Variants in NFASC observed in about 807,000 individuals in gnomAD.
NFASC encodes neurofascin homolog.
NFASC carries 43 observed loss-of-function variants against 147.5 expected under a neutral mutation model. That is an observed-to-expected ratio of 0.29 (90% confidence interval 0.23 to 0.38). The LOEUF is 0.38. Among genes scored for constraint, NFASC ranks in the 10% least tolerant of loss-of-function variants. The pLI is 1.00. For synonymous variants in NFASC, 622 were observed against 665.5 expected, an observed-to-expected ratio of 0.93 and a Z score of 1.01; for missense variants, 1,320 against 1,689.0, an observed-to-expected ratio of 0.78 and a Z score of 3.83.
rs1297857341 is a variant in NFASC, at chr1:204,842,403, TCTG to T, written c.-200+13624_-200+13626del. 3.9e-5 allele frequency among the ~76,000 whole-genome samples: 6 copies of T among 152,374 alleles called. No homozygotes were observed. In the East Asian group the frequency reaches 1.2e-3, roughly 29 times the overall value. ...AGCACTGTATTGCTTCAATTTGTTC[TCTG>T]CTAAGTCCCCGCTTTTACATTGTTG... On this transcript the variant is annotated intron_variant, in intron 1 of 29. Coordinates refer to ENST00000339876, the MANE Select transcript of NFASC (RefSeq NM_001005388.3).
intron 4 of NFASC, among the ~76,000 whole-genome samples, chr1:204,951,137 G>A (rs1033497720): frequency 1.3e-5 from 2 of 149,910 alleles, no homozygotes; most frequent in East Asian, 1.9e-4. Context: ...GTTTCTCCTC[G>A]GGATGCTATG....
rs765172889 is a variant in NFASC at position 204,950,508 on chromosome 1, G to C, written c.92-49G>C. 17 of 1,587,616 alleles carry C rather than the reference G, an allele frequency of 1.1e-5. No homozygotes were observed. The Admixed American group carries it at 2.7e-4, about 26-fold the overall frequency. ...ATGCCTGGGCGGTTGTGTGCATAAC[G>C]ATGTTCTTCTTTTCTCCCTCTCCAA... On this transcript the variant is annotated intron_variant, in intron 3 of 29. Coordinates refer to ENST00000339876, the MANE Select transcript of NFASC (RefSeq NM_001005388.3).
At chr1:204,887,334 C>T (rs1191568031) in intron 1 of NFASC, among the ~76,000 whole-genome samples, 1 of 152,154 alleles carries the variant, frequency 6.6e-6, no homozygotes, top group Non-Finnish European at 1.5e-5. Flanking sequence ...TCAAAATTTC[C>T]TTCTTCCAAA....
chr1:204,836,415 G>C lies in NFASC; in HGVS notation c.-200+7633G>C, dbSNP rs551232154. Among the ~76,000 whole-genome samples the C allele has an allele frequency of 3.9e-5, 6 of 152,262 alleles. No homozygotes were observed. The East Asian group carries it at 1.2e-3, about 29-fold the overall frequency. On this transcript the variant is annotated intron_variant, in intron 1 of 29. Coordinates refer to ENST00000339876, the MANE Select transcript of NFASC (RefSeq NM_001005388.3). The stretch of plus-strand genomic sequence containing the variant: ...ATTTTGACAGAAGGTGTAATATTGA[G>C]GTAAAATTTTAAGTCTGTCTCCCTG...
intron 1 of NFASC, among the ~76,000 whole-genome samples, chr1:204,915,190 G>A (rs1336931104): frequency 6.6e-6 from 1 of 152,158 alleles, no homozygotes; most frequent in East Asian, 1.9e-4. Flanking sequence ...TGAGGCAGGA[G>A]AATGGGTGTG....
chr1:204,909,890 A>G (rs2086931384), intron 1 of NFASC, among the ~76,000 whole-genome samples: 1 of 151,624 alleles, frequency 6.6e-6, no homozygotes, highest in African/African-American at 2.4e-5. Context: ...TCAGTTAAGT[A>G]TATGTGTGTT....
chr1:204,878,642 A>G (rs958488915), intron 1 of NFASC, among the ~76,000 whole-genome samples: 2 of 152,180 alleles, frequency 1.3e-5, no homozygotes, highest in African/African-American at 4.8e-5. Flanking sequence ...CATACCCATC[A>G]CTCAGCTTCA....
rs571967146 is a variant in NFASC at position 204,932,366 on chromosome 1, A to C, written c.-91+11626A>C. Among the ~76,000 whole-genome samples the C allele has an allele frequency of 2.8e-4, 43 of 152,356 alleles. No individual in the cohort carries two copies. The South Asian group carries it at 8.5e-3, about 30-fold the overall frequency. The stretch of plus-strand genomic sequence containing the variant: ...GGAAAACAAGTAATTTGTAAAAGAT[A>C]AGAGGCAGGATTGAAACCTTTACCT... On this transcript the variant is annotated intron_variant, in intron 2 of 29. Coordinates refer to ENST00000339876, the MANE Select transcript of NFASC (RefSeq NM_001005388.3).
At chr1:204,855,769 G>A (rs2076102116) in intron 1 of NFASC, among the ~76,000 whole-genome samples, 1 of 152,148 alleles carries the variant, frequency 6.6e-6, no homozygotes, top group African/African-American at 2.4e-5. Flanking sequence ...AGAAGCAGGA[G>A]TTTTAGACCC....
intron 11 of NFASC, 132 bp downstream of exon 11, chr1:204,970,879 C>A: frequency 9.0e-7 from 1 of 1,115,012 alleles, no homozygotes. Context: ...GGCTGTTTCT[C>A]AGCTGCCCAT....
At chr1:204,881,392 A>G (rs1445224555) in intron 1 of NFASC, among the ~76,000 whole-genome samples, 1 of 152,218 alleles carries the variant, frequency 6.6e-6, no homozygotes, top group Non-Finnish European at 1.5e-5. Flanking sequence ...TGATTGTATT[A>G]AAAGTAATGG....
intron 1 of NFASC, among the ~76,000 whole-genome samples, chr1:204,830,022 T>TGTGC (rs1217883364): frequency 6.8e-6 from 1 of 146,406 alleles, no homozygotes; most frequent in African/African-American, 2.5e-5. Flanking sequence ...TGTGTGTGTG[T>TGTGC]GTGTGTGTGT....
At chr1:204,981,755 C>T in intron 20 of NFASC, 43 bp from the exon 21 acceptor site, 1 of 1,321,688 alleles carries the variant, frequency 7.6e-7, no homozygotes, top group Non-Finnish European at 1.0e-6. Context: ...GGATCTGGGC[C>T]CCTCTCTGGC....
chr1:204,882,567 A>ACGT (rs1022069771), intron 1 of NFASC, among the ~76,000 whole-genome samples: 1 of 151,740 alleles, frequency 6.6e-6, no homozygotes, highest in African/African-American at 2.4e-5. Context: ...ACCTGCACTT[A>ACGT]CGTCTCTGTT....
intron 27 of NFASC, among the ~76,000 whole-genome samples, chr1:205,008,059 C>G (rs957021641): frequency 2.0e-5 from 3 of 152,162 alleles, no homozygotes; most frequent in African/African-American, 7.2e-5. Context: ...CCGGGGCGCC[C>G]TGGGCAACCA....
At chr1:204,900,825 T>A (rs2084403833) in intron 1 of NFASC, among the ~76,000 whole-genome samples, 2 of 151,934 alleles carry the variant, frequency 1.3e-5, no homozygotes, top group Non-Finnish European at 2.9e-5. Flanking sequence ...GTAGAGGAAT[T>A]GAGAAGAAAA....
At chr1:204,908,102 C>T (rs1359549465) in intron 1 of NFASC, among the ~76,000 whole-genome samples, 3 of 152,114 alleles carry the variant, frequency 2.0e-5, no homozygotes, top group Admixed American at 1.3e-4. Flanking sequence ...CTGCTTCAGC[C>T]TCCCAAGCAG....
chr1:204,997,507 G>T, intron 25 of NFASC, 101 bp downstream of exon 25: 1 of 1,346,018 alleles, frequency 7.4e-7, no homozygotes, highest in East Asian at 2.5e-5. Flanking sequence ...TGGGGTCTGG[G>T]GTGGTGTTTG....
Position 204,986,128 on chromosome 1 carries a change from G to A in NFASC, c.2471-1290G>A, listed in dbSNP as rs762214594. ...CCCCGGAAGGAGGTAGGTCTGGCCT[G>A]CAGCTCTTCAGGGTGGGGCAGGAGA... On this transcript the variant is annotated intron_variant, in intron 21 of 29. Coordinates refer to ENST00000339876, the MANE Select transcript of NFASC (RefSeq NM_001005388.3). The surrounding 1 kb of genome is among the most constrained non-coding windows in gnomAD (Gnocchi z 4.2). The A allele has an allele frequency of 1.2e-6, 2 of 1,602,390 alleles. No homozygotes were observed. The highest frequency in any genetic ancestry group is 1.7e-6 in the Non-Finnish European group (2 of 1,169,356).
Sources: allele counts gnomAD v4.1 joint callset (sites outside exome capture counted in the v4.1 genomes callset), GRCh38; gene constraint gnomAD v4.1.1; non-coding constraint Gnocchi (gnomAD v3.1); transcripts MANE v1.5; gene names NCBI Gene and HGNC (gene_info 2026-07-23, HGNC 2026-07-21).